DYNC1LI1: variants seen among roughly 807,000 people sequenced by gnomAD.
The protein encoded by DYNC1LI1 is cytoplasmic dynein 1 light intermediate chain 1.
Under a neutral mutation model 63.8 loss-of-function variants are expected in DYNC1LI1, and 19 were observed. The observed-to-expected ratio is 0.30, with a 90% CI of 0.21 to 0.44. The LOEUF is 0.44. Ranked by LOEUF, DYNC1LI1 falls within the 20% of genes least tolerant of loss-of-function variation. The pLI, the probability that DYNC1LI1 is intolerant of heterozygous loss-of-function variation, is 1.00. For missense variants in DYNC1LI1, 565 were observed against 630.2 expected, an observed-to-expected ratio of 0.90 and a Z score of 1.11; for synonymous variants, 225 against 232.3, an observed-to-expected ratio of 0.97 and a Z score of 0.28.
At chr3:32,545,777 A>T in intron 3 of DYNC1LI1, 72 bp downstream of exon 3, 1 of 1,041,918 alleles carries the variant, frequency 9.6e-7, no homozygotes, top group Non-Finnish European at 1.5e-6. Context: ...ACTAAAAAAA[A>T]TCAAAGACTA....
intron 8 of DYNC1LI1, chr3:32,531,684 A>G (rs969359639): frequency 6.6e-6 from 1 of 152,186 alleles, no homozygotes; most frequent in Non-Finnish European, 1.5e-5. Flanking sequence ...TTTTCTTATT[A>G]CTAATAATAA....
intron 8 of DYNC1LI1, 81 bp downstream of exon 8, chr3:32,532,905 C>G: frequency 7.0e-7 from 1 of 1,426,170 alleles, no homozygotes; most frequent in South Asian, 1.6e-5. Flanking sequence ...TTTTGCCTTT[C>G]TACATTTAAT....
At chr3:32,561,262 T>C (rs540336523) in intron 2 of DYNC1LI1, among the ~76,000 whole-genome samples, 1 of 151,424 alleles carries the variant, frequency 6.6e-6, no homozygotes, top group Non-Finnish European at 1.5e-5. Context: ...ACCTACTAGA[T>C]AGCCAAAGAT....
intron 2 of DYNC1LI1, among the ~76,000 whole-genome samples, chr3:32,551,949 A>G (rs1698048799): frequency 6.6e-6 from 1 of 152,184 alleles, no homozygotes; most frequent in Admixed American, 6.5e-5. Context: ...AAATCTGGTG[A>G]CCCACAGACT....
Position 32,570,638 on chromosome 3 carries a change from C to T in DYNC1LI1, c.133G>A (p.Gly45Arg), listed in dbSNP as rs1698336154. ...GGAAAGDDEDGQNLWSCILSE... is the reference protein window; with the variant it reads ...GGAAAGDDEDRQNLWSCILSE... ...TGGAGTCGTTACCAAAGGTTCTGCC[C>T]GTCCTCGTCGTCGCCTGCCGCGGCG... Residue 45 changes from glycine (G) to arginine (R), a missense_variant, in exon 1 of 13, where the codon GGG becomes AGG. Coordinates refer to ENST00000273130, the MANE Select transcript of DYNC1LI1 (RefSeq NM_016141.4). The T allele has an allele frequency of 1.9e-6, 3 of 1,583,674 alleles. No individual in the cohort carries two copies. Among genetic ancestry groups the T allele is most frequent in the Non-Finnish European group, 2.6e-6 (3 of 1,165,538 alleles).
At chr3:32,567,200 T>C (rs1183193892) in intron 2 of DYNC1LI1, among the ~76,000 whole-genome samples, 1 of 152,146 alleles carries the variant, frequency 6.6e-6, no homozygotes, top group Admixed American at 6.5e-5. Flanking sequence ...ACAGGGCCCT[T>C]ATGTTGTGTG....
In DYNC1LI1 at chr3:32,538,107, C is replaced by CA. The variant is rs72138394; in HGVS notation, c.739-1004dup. Among the ~76,000 whole-genome samples the CA allele has an allele frequency of 9.6e-3, 421 of 43,652 alleles. 20 individuals are homozygous for CA. The highest frequency in any genetic ancestry group is 0.031 in the African/African-American group (354 of 11,506). 28.6% of individuals were successfully genotyped at this position (43,652 alleles called of 152,430 possible). A position where few individuals can be genotyped will look rare whatever the true frequency, so the allele number is the denominator to read the frequency against. On this transcript the variant is annotated intron_variant, in intron 5 of 12. Coordinates refer to ENST00000273130, the MANE Select transcript of DYNC1LI1 (RefSeq NM_016141.4). ...AAATTTATATATATATATAAAATAG[C>CA]AAAAAAAAAAAAAAAACCTAACAGG...
At chr3:32,535,329 T>C (rs928407560) in intron 6 of DYNC1LI1, among the ~76,000 whole-genome samples, 1 of 152,196 alleles carries the variant, frequency 6.6e-6, no homozygotes, top group African/African-American at 2.4e-5. Context: ...CCATGGACAA[T>C]GTGACCACTG....
intron 2 of DYNC1LI1, among the ~76,000 whole-genome samples, chr3:32,552,347 A>C (rs1698054203): frequency 6.6e-6 from 1 of 152,022 alleles, no homozygotes; most frequent in African/African-American, 2.4e-5. Flanking sequence ...CTCATTTTTA[A>C]AACAGGGTCT....
At chr3:32,544,800 CA>C in intron 4 of DYNC1LI1, 75 bp downstream of exon 4, 1 of 1,080,556 alleles carries the variant, frequency 9.3e-7, no homozygotes. Context: ...TTTTTATAGT[CA>C]AAAATTCCTA....
intron 2 of DYNC1LI1, among the ~76,000 whole-genome samples, chr3:32,564,249 G>C (rs1011173931): frequency 4.6e-5 from 7 of 152,326 alleles, no homozygotes; most frequent in Non-Finnish European, 7.3e-5. Flanking sequence ...AGGAGTTTGA[G>C]GCTGCAATAA....
At chr3:32,539,910 G>A (rs1366104278) in intron 5 of DYNC1LI1, among the ~76,000 whole-genome samples, 1 of 150,664 alleles carries the variant, frequency 6.6e-6, no homozygotes, top group East Asian at 2.0e-4. Context: ...TGTAGCCCAG[G>A]TTGGGGTGCA....
intron 4 of DYNC1LI1, among the ~76,000 whole-genome samples, chr3:32,541,904 T>C (rs1055698371): frequency 3.9e-5 from 6 of 152,184 alleles, no homozygotes; most frequent in Non-Finnish European, 8.8e-5. Flanking sequence ...CTTTTCTTCA[T>C]GTATAAAAGC....
rs113060405 is a variant in DYNC1LI1, at chr3:32,544,734, T to C, written c.568+142A>G. On this transcript the variant is annotated intron_variant, in intron 4 of 12. Transcript: ENST00000273130. ...TCCAGCCTGGGTGACAGAACAAGACTCTTGTCTCCAAAAAAAAAAAAAAAG... is the reference window on the plus strand; with the variant it reads ...TCCAGCCTGGGTGACAGAACAAGACCCTTGTCTCCAAAAAAAAAAAAAAAG... 3.2e-5 allele frequency: 20 copies of C among 618,538 alleles called. 1 individual carries two copies. The highest frequency in any genetic ancestry group is 1.3e-4 in the African/African-American group (7 of 53,408). 38.3% of individuals were successfully genotyped at this position (618,538 alleles called of 1,614,324 possible).
intron 2 of DYNC1LI1, among the ~76,000 whole-genome samples, chr3:32,564,001 C>T (rs1698226898): frequency 6.6e-6 from 1 of 152,220 alleles, no homozygotes. Flanking sequence ...AAAACTGACG[C>T]CAATAATCCC....
At chr3:32,552,748 C>T (rs1223817488) in intron 2 of DYNC1LI1, among the ~76,000 whole-genome samples, 3 of 152,120 alleles carry the variant, frequency 2.0e-5, no homozygotes, top group African/African-American at 7.2e-5. Context: ...CCTCTTTCGC[C>T]AGGCTGGAGT....
chr3:32,534,426 T>C lies in DYNC1LI1; in HGVS notation c.968+85A>G, dbSNP rs561609716. 8 of 988,384 alleles carry C rather than the reference T, an allele frequency of 8.1e-6. No individual in the cohort carries two copies. In the East Asian group the frequency reaches 2.1e-4, roughly 26 times the overall value. The allele number at this position is 988,384 out of a possible 1,614,324, so 61.2% of individuals were successfully genotyped here. ...TTTCTCATCATGGAAGGTCTATTGG[T>C]CCCATCTCAAAACTGAAATAATGAT... is the stretch of plus-strand genomic sequence containing the variant. On this transcript the variant is annotated intron_variant, in intron 7 of 12. Transcript: ENST00000273130.
At chr3:32,548,695 TAGTTATTA>T (rs1697991823) in intron 2 of DYNC1LI1, among the ~76,000 whole-genome samples, 1 of 152,164 alleles carries the variant, frequency 6.6e-6, no homozygotes, top group South Asian at 2.1e-4. Context: ...TTGGTGACTA[TAGTTATTA>T]ACAATATGCT....
intron 2 of DYNC1LI1, among the ~76,000 whole-genome samples, chr3:32,562,502 C>G (rs1035024494): frequency 5.3e-5 from 8 of 152,026 alleles, no homozygotes; most frequent in African/African-American, 1.9e-4. Flanking sequence ...ACCACACCAG[C>G]TATTTAAAAA....
Sources: allele counts gnomAD v4.1 joint callset (sites outside exome capture counted in the v4.1 genomes callset), GRCh38; gene constraint gnomAD v4.1.1; transcripts MANE v1.5; gene names NCBI Gene and HGNC (gene_info 2026-07-23, HGNC 2026-07-21).